The following CLMN variants were observed in gnomAD, a reference collection of about 807,000 sequenced individuals.
CLMN encodes the protein calmin.
CLMN carries 57 observed loss-of-function variants against 92.7 expected under a neutral mutation model. The observed-to-expected ratio is 0.61, with a 90% confidence interval of 0.50 to 0.77. The LOEUF is 0.77. CLMN is among the 30% of genes least tolerant of loss of function. The probability of loss-of-function intolerance (pLI) is 0.00; values close to 1 mark genes in which losing one functional copy is unlikely to be tolerated. For missense variants in CLMN, 1,158 were observed against 1,237.5 expected (o/e 0.94, Z 0.96); for synonymous variants, 466 against 470.6 (o/e 0.99, Z 0.13).
intron 2 of CLMN, among the ~76,000 whole-genome samples, chr14:95,227,219 A>AT (rs906744854): frequency 1.3e-5 from 2 of 152,000 alleles, no homozygotes; most frequent in Non-Finnish European, 2.9e-5. Context: ...CCTGTGTTTC[A>AT]TTTTTTATGG....
Position 95,319,837 on chromosome 14 carries a change from G to GGCGCGGAGAGCCTGGCTGGCGT in CLMN, c.-46_-45insACGCCAGCCAGGCTCTCCGCGC. Reference sequence around the variant, plus strand: ...CCGGGCCAGCGCGGCGCGGGCGGCGGGCGCGGAGAGCCTGGCTGGCGGGCG... The same window carrying GGCGCGGAGAGCCTGGCTGGCGT: ...CCGGGCCAGCGCGGCGCGGGCGGCGGGCGCGGAGAGCCTGGCTGGCGTGCGCGGAGAGCCTGGCTGGCGGGCG... On this transcript the variant is annotated 5_prime_UTR_variant, in exon 1 of 13. Transcript: ENST00000298912. 8.2e-7 allele frequency: 1 copy of GGCGCGGAGAGCCTGGCTGGCGT among 1,219,316 alleles called. No individual in the cohort carries two copies. The highest frequency in any genetic ancestry group is 1.0e-6 in the Non-Finnish European group (1 of 970,284). The allele number at this position is 1,219,316 out of a possible 1,614,324, so 75.5% of individuals were successfully genotyped here.
Position 95,204,137 on chromosome 14 carries a change from T to C in CLMN, c.1212A>G (p.Glu404=). ...CCTTTCTGGATGATAAAATGGAGGATTCTGGAGATGGCTCACTGATGTCGC... is the reference window on the plus strand; with the variant it reads ...CCTTTCTGGATGATAAAATGGAGGACTCTGGAGATGGCTCACTGATGTCGC... ...KTSDISEPSP[E]SSILSSRKEN... Residue 404 remains glutamate, a synonymous_variant, in exon 9 of 13, where the codon GAA becomes GAG. Transcript: ENST00000298912. 6.2e-7 allele frequency: 1 copy of C among 1,614,112 alleles called. No homozygotes were observed. The highest frequency in any genetic ancestry group is 8.5e-7 in the Non-Finnish European group (1 of 1,180,018).
intron 1 of CLMN, among the ~76,000 whole-genome samples, chr14:95,264,576 G>A (rs75279561): frequency 0.091 from 13,808 of 152,172 alleles, 648 homozygotes; most frequent in African/African-American, 0.12. Context: ...GAAAATGAAG[G>A]AGGAAAGACT....
chr14:95,218,382 G>A (rs1287934406), intron 4 of CLMN, among the ~76,000 whole-genome samples: 1 of 152,178 alleles, frequency 6.6e-6, no homozygotes, highest in Non-Finnish European at 1.5e-5. Flanking sequence ...GCCCATCTCT[G>A]ACACGGGCAT....
intron 1 of CLMN, among the ~76,000 whole-genome samples, chr14:95,264,921 A>G (rs893627135): frequency 2.0e-5 from 3 of 147,390 alleles, no homozygotes; most frequent in African/African-American, 7.6e-5. Flanking sequence ...AGATCTCATG[A>G]TAACTCTCCA....
chr14:95,281,356 A>G (rs1323441086), intron 1 of CLMN, among the ~76,000 whole-genome samples: 1 of 152,250 alleles, frequency 6.6e-6, no homozygotes, highest in Non-Finnish European at 1.5e-5. Context: ...CATCAGGCCA[A>G]GTATAATAAA....
Position 95,210,846 on chromosome 14 carries a change from A to T in CLMN, c.642T>A (p.Ser214Arg). The T allele has an allele frequency of 6.4e-7, 1 of 1,559,982 alleles. No homozygotes were observed. Among genetic ancestry groups the T allele is most frequent in the Non-Finnish European group, 8.6e-7 (1 of 1,159,986 alleles). Reference protein sequence around the residue: ...YGVAVQDFAGSWRSGLAFLAV... With the variant: ...YGVAVQDFAGRWRSGLAFLAV... ...CCAGGAAAGCCAGCCCACTCCTCCA[A>T]CTGCCCGCAAAGTCCTGCACCGCCA... Residue 214 changes from serine (S) to arginine (R), a missense_variant, in exon 7 of 13, where the codon AGT (serine) becomes AGA (arginine). Coordinates refer to ENST00000298912, the MANE Select transcript of CLMN (RefSeq NM_024734.4).
intron 1 of CLMN, among the ~76,000 whole-genome samples, chr14:95,255,515 AT>A (rs1293411129): frequency 6.6e-6 from 1 of 152,182 alleles, no homozygotes; most frequent in Non-Finnish European, 1.5e-5. Flanking sequence ...AGCATAGTAC[AT>A]ATAGGGTTCG....
chr14:95,215,912 C>A (rs1229401517), intron 4 of CLMN, among the ~76,000 whole-genome samples, 179 bp from the exon 5 acceptor site: 1 of 151,292 alleles, frequency 6.6e-6, no homozygotes, highest in Non-Finnish European at 1.5e-5. Flanking sequence ...GGACACTCAG[C>A]ATGCAAAAGT....
intron 1 of CLMN, among the ~76,000 whole-genome samples, chr14:95,280,386 A>T (rs1216462324): frequency 6.6e-6 from 1 of 152,232 alleles, no homozygotes; most frequent in East Asian, 1.9e-4. Flanking sequence ...TAACATTAAA[A>T]GATAATAAAA....
At position 95,215,294 on chromosome 14, in the gene CLMN, G is replaced by A. The variant is rs1175956860; in HGVS notation, c.417+347C>T. ...TCTTTAATCACCTCTAAGGAACACT[G>A]AGTGATTTCAGGAAAGTAACTCTAC... On this transcript the variant is annotated intron_variant, in intron 5 of 12. Coordinates refer to ENST00000298912, the MANE Select transcript of CLMN (RefSeq NM_024734.4). Among the ~76,000 whole-genome samples the A allele has an allele frequency of 2.0e-5, 3 of 152,250 alleles. No individual in the cohort carries two copies. In the East Asian group the frequency reaches 5.8e-4, roughly 29 times the overall value.
chr14:95,215,147 A>G (rs1897300703), intron 5 of CLMN, among the ~76,000 whole-genome samples: 1 of 152,188 alleles, frequency 6.6e-6, no homozygotes, highest in Admixed American at 6.5e-5. Context: ...TTCTTATTCC[A>G]ATCACAGATC....
chr14:95,222,405 T>C, intron 3 of CLMN: 2 of 354,888 alleles, frequency 5.6e-6, no homozygotes, highest in South Asian at 2.2e-5. Flanking sequence ...CAACTCACCC[T>C]GAACTGAAGC....
chr14:95,193,492 C>A, intron 12 of CLMN: 1 of 921,864 alleles, frequency 1.1e-6, no homozygotes, highest in Admixed American at 2.3e-5. Flanking sequence ...ACAAGACCAC[C>A]ACCTCTTCTC....
At chr14:95,197,291 G>C (rs1330529243) in intron 9 of CLMN, among the ~76,000 whole-genome samples, 1 of 149,972 alleles carries the variant, frequency 6.7e-6, no homozygotes, top group Non-Finnish European at 1.5e-5. Context: ...AGAAGGAGAA[G>C]GAGGAGGAAG....
In CLMN at chr14:95,196,882, C is replaced by T. The variant is rs371896083; in HGVS notation, c.2512-188G>A. ...AGAGACAAGTCCACCCCAACTCCGGCCCCTGGTACAGACTTCAAATGCTAC... is the reference window on the plus strand; with the variant it reads ...AGAGACAAGTCCACCCCAACTCCGGTCCCTGGTACAGACTTCAAATGCTAC... On this transcript the variant is annotated intron_variant, in intron 9 of 12. Coordinates refer to ENST00000298912, the MANE Select transcript of CLMN (RefSeq NM_024734.4). Among the ~76,000 whole-genome samples, 28 of 152,292 alleles carry T rather than the reference C, an allele frequency of 1.8e-4. 1 individual carries two copies. Among genetic ancestry groups the T allele is most frequent in the Admixed American group, 9.8e-4 (15 of 15,300 alleles).
chr14:95,246,452 C>T (rs1279818357), intron 1 of CLMN, among the ~76,000 whole-genome samples: 1 of 152,196 alleles, frequency 6.6e-6, no homozygotes, highest in African/African-American at 2.4e-5. Flanking sequence ...GCACCCCCCT[C>T]CTCTTGGGAA....
chr14:95,297,159 G>T (rs1434651632), intron 1 of CLMN, among the ~76,000 whole-genome samples: 1 of 152,148 alleles, frequency 6.6e-6, no homozygotes, highest in Non-Finnish European at 1.5e-5. Context: ...GTAAGCCTAT[G>T]CCTGGGGCTC....
At chr14:95,264,425 C>A (rs779344871) in intron 1 of CLMN, among the ~76,000 whole-genome samples, 1 of 152,262 alleles carries the variant, frequency 6.6e-6, no homozygotes. Context: ...GCTGTACAAC[C>A]CTGGGTTAGT....
Sources: gnomAD v4.1 joint callset for allele counts (sites outside exome capture counted in the v4.1 genomes callset) on GRCh38, gnomAD v4.1.1 for gene constraint, MANE v1.5 for transcripts, NCBI Gene and HGNC (gene_info 2026-07-23, HGNC 2026-07-21) for gene names.